Variants in SRC observed in about 807,000 individuals in gnomAD.
SRC encodes the protein SRC proto-oncogene, non-receptor tyrosine kinase.
SRC carries 13 observed loss-of-function variants against 62.9 expected under a neutral mutation model. The observed-to-expected ratio is 0.21, with a 90% confidence interval of 0.13 to 0.33. The LOEUF (loss-of-function observed/expected upper bound fraction) is 0.33, where lower values mean the gene tolerates loss of function less well. Among genes scored for constraint, SRC ranks in the 10% least tolerant of loss-of-function variants. The pLI is 1.00. For missense variants in SRC, 457 were observed against 737.3 expected (o/e 0.62, Z 4.40); for synonymous variants, 302 against 317.5 (o/e 0.95, Z 0.52).
chr20:37,385,609 T>C (rs1006620568), intron 4 of SRC, among the ~76,000 whole-genome samples: 1 of 152,168 alleles, frequency 6.6e-6, no homozygotes, highest in Non-Finnish European at 1.5e-5. Flanking sequence ...CAAATCTTCC[T>C]GGACACCAGG....
At chr20:37,352,197 C>T (rs546797652) in intron 1 of SRC, among the ~76,000 whole-genome samples, 1 of 152,372 alleles carries the variant, frequency 6.6e-6, no homozygotes, top group Admixed American at 6.5e-5. Context: ...CCAGCTTTGA[C>T]AAGATGGCAT....
chr20:37,365,387 G>C (rs1050075882), intron 2 of SRC, 110 bp downstream of exon 2: 2 of 146,674 alleles, frequency 1.4e-5, no homozygotes, highest in African/African-American at 5.1e-5. Context: ...GGAAAAGTAA[G>C]CCTCTCTCAC....
chr20:37,390,616 G>T (rs931319302), intron 5 of SRC, among the ~76,000 whole-genome samples: 1 of 152,048 alleles, frequency 6.6e-6, no homozygotes, highest in Non-Finnish European at 1.5e-5. Flanking sequence ...ATGTTGCTGG[G>T]CTGGTCTCGA....
At chr20:37,360,218 C>CTTTTTTTTTTTTTTTTTTTTTTTT (rs61476973) in intron 1 of SRC, among the ~76,000 whole-genome samples, 2 of 105,632 alleles carry the variant, frequency 1.9e-5, no homozygotes, top group African/African-American at 9.6e-5. Context: ...CTCTCTCTCT[C>CTTTTTTTTTTTTTTTTTTTTTTTT]TTTTTTTTTT....
At chr20:37,390,028 G>A (rs942651975) in intron 5 of SRC, among the ~76,000 whole-genome samples, 3 of 152,146 alleles carry the variant, frequency 2.0e-5, no homozygotes, top group African/African-American at 7.2e-5. Context: ...CCCTTGACAT[G>A]GGAAGATGGG....
chr20:37,403,639 T>C lies in SRC; in HGVS notation c.*260T>C. 1.9e-6 allele frequency: 1 copy of C among 524,078 alleles called. No homozygotes were observed. 32.5% of individuals were successfully genotyped at this position (524,078 alleles called of 1,614,324 possible). On this transcript the variant is annotated 3_prime_UTR_variant, in exon 14 of 14. Transcript: ENST00000373578. The surrounding 1 kb of genome is among the most constrained non-coding windows in gnomAD (Gnocchi z 7.1). ...GCCGCACGCCTCTCCCTGCACTCCC[T>C]CCTGGAGCTCTGTGGGTCTCTGGAA...
rs1391143025 is a variant in SRC at position 37,384,949 on chromosome 20, C to A, written c.250+546C>A. On this transcript the variant is annotated intron_variant, in intron 4 of 13. Coordinates refer to ENST00000373578, the MANE Select transcript of SRC (RefSeq NM_198291.3). The surrounding 1 kb of genome is among the most constrained non-coding windows in gnomAD (Gnocchi z 6.7). ...CCAGACACTCCACGCAGACTTCACT[C>A]CTTCACTCAGACCCGTTCACTCTCC... is the stretch of plus-strand genomic sequence containing the variant. Among the ~76,000 whole-genome samples the A allele has an allele frequency of 6.6e-6, 1 of 152,316 alleles. No homozygotes were observed. Among genetic ancestry groups the A allele is most frequent in the Middle Eastern group, 3.4e-3 (1 of 292 alleles).
chr20:37,375,023 T>C (rs1394732198), intron 2 of SRC, among the ~76,000 whole-genome samples: 3 of 151,562 alleles, frequency 2.0e-5, no homozygotes, highest in African/African-American at 7.3e-5. Flanking sequence ...CTCTGCCTCC[T>C]GGGTTCAAGT....
In SRC at chr20:37,398,308, G is replaced by A. The variant is rs1327868922; in HGVS notation, c.859+454G>A. 3.3e-5 allele frequency among the ~76,000 whole-genome samples: 5 copies of A among 152,324 alleles called. No homozygotes were observed. Among genetic ancestry groups the A allele is most frequent in the Admixed American group, 2.6e-4 (4 of 15,304 alleles). ...GGTCTGGCATGGTCTGGGCCTGTTA[G>A]CGATTTCCCGTCTGACCCTGGAGAA... On this transcript the variant is annotated intron_variant, in intron 9 of 13. Transcript: ENST00000373578. This position sits in a 1 kb window ranked among gnomAD's most constrained non-coding sequence, Gnocchi z 5.2.
At chr20:37,375,548 G>T (rs2070262935) in intron 2 of SRC, among the ~76,000 whole-genome samples, 1 of 150,746 alleles carries the variant, frequency 6.6e-6, no homozygotes, top group South Asian at 2.1e-4. Context: ...AAATTTTTGT[G>T]TTTTTTTTTA....
At chr20:37,358,916 G>A (rs569381642) in intron 1 of SRC, among the ~76,000 whole-genome samples, 2 of 152,266 alleles carry the variant, frequency 1.3e-5, no homozygotes, top group Non-Finnish European at 2.9e-5. Context: ...CCGCGGACAC[G>A]GGACCAGGCA....
chr20:37,345,621 T>A (rs1196902968), upstream of SRC, among the ~76,000 whole-genome samples: 1 of 152,218 alleles, frequency 6.6e-6, no homozygotes, highest in Non-Finnish European at 1.5e-5. Flanking sequence ...CTGGTTCTTG[T>A]CAGTGCCTCA....
At chr20:37,401,330 G>T (rs1005577537) in intron 10 of SRC, among the ~76,000 whole-genome samples, 1 of 152,102 alleles carries the variant, frequency 6.6e-6, no homozygotes, top group Non-Finnish European at 1.5e-5. Context: ...GCATCTCCCA[G>T]CAGTTTGTTC....
intron 2 of SRC, among the ~76,000 whole-genome samples, chr20:37,373,425 G>GCGTGTATATACGCATATATGCATATATA (rs2070226084): frequency 6.7e-6 from 1 of 150,146 alleles, no homozygotes; most frequent in Non-Finnish European, 1.5e-5. Flanking sequence ...ACGCATATAT[G>GCGTGTATATACGCATATATGCATATATA]CGTGTATATA....
At chr20:37,383,440 T>C (rs1277029641) in intron 3 of SRC, among the ~76,000 whole-genome samples, 1 of 152,176 alleles carries the variant, frequency 6.6e-6, no homozygotes, top group Non-Finnish European at 1.5e-5. Context: ...CAGCCACGTA[T>C]TCATTCAACA....
chr20:37,368,773 G>C (rs927115387), intron 2 of SRC, among the ~76,000 whole-genome samples: 1 of 151,392 alleles, frequency 6.6e-6, no homozygotes, highest in African/African-American at 2.4e-5. Flanking sequence ...GGATGGTCTC[G>C]ATCTCCTGAC....
rs1038054943 is a variant in SRC at position 37,403,806 on chromosome 20, G to A, written c.*427G>A. On this transcript the variant is annotated 3_prime_UTR_variant, in exon 14 of 14. Coordinates refer to ENST00000373578, the MANE Select transcript of SRC (RefSeq NM_198291.3). This position sits in a 1 kb window ranked among gnomAD's most constrained non-coding sequence, Gnocchi z 7.1. ...CTGGCCAAAGAGCCTTTCCAAAGAG[G>A]AGCGATGGGCCCCTGGCCCCGCCTG... The A allele has an allele frequency of 2.3e-4, 62 of 264,166 alleles. No individual in the cohort carries two copies. The highest frequency in any genetic ancestry group is 9.4e-4 in the South Asian group (8 of 8,470). 16.4% of individuals were successfully genotyped at this position (264,166 alleles called of 1,614,324 possible).
intron 7 of SRC, among the ~76,000 whole-genome samples, chr20:37,395,450 T>C (rs563248544): frequency 6.6e-6 from 1 of 152,338 alleles, no homozygotes; most frequent in South Asian, 2.1e-4. Context: ...TCTTGGCCTC[T>C]GGTCCTACCC....
In SRC at chr20:37,384,543, C is replaced by CGGGG. The variant is rs1242378998; in HGVS notation, c.250+143_250+146dup. 4.8e-5 allele frequency: 8 copies of CGGGG among 165,160 alleles called. No individual in the cohort carries two copies. The highest frequency in any genetic ancestry group is 1.9e-3 in the Middle Eastern group (1 of 520). 10.2% of individuals were successfully genotyped at this position (165,160 alleles called of 1,614,324 possible). A position where few individuals can be genotyped will look rare whatever the true frequency, so the allele number is the denominator to read the frequency against. Reference sequence around the variant, plus strand: ...AGCGCCCCTGGGTGACTTGGGTGTCCGGGGGGTGGGGGGGCGGCCGTACAC... The same window carrying CGGGG: ...AGCGCCCCTGGGTGACTTGGGTGTCCGGGGGGGGGGTGGGGGGGCGGCCGTACAC... On this transcript the variant is annotated intron_variant, in intron 4 of 13. Transcript: ENST00000373578. The surrounding 1 kb of genome is among the most constrained non-coding windows in gnomAD (Gnocchi z 6.7).
Sources: allele counts gnomAD v4.1 joint callset (sites outside exome capture counted in the v4.1 genomes callset), GRCh38; gene constraint gnomAD v4.1.1; non-coding constraint Gnocchi (gnomAD v3.1); transcripts MANE v1.5; gene names NCBI Gene and HGNC (gene_info 2026-07-23, HGNC 2026-07-21).